The following KLHL1 variants were observed in gnomAD, a reference collection of about 807,000 sequenced individuals.
KLHL1 encodes kelch-like protein 1.
In KLHL1, 47 loss-of-function variants were observed where a neutral mutation model predicts 77.7. The ratio of observed to expected loss-of-function variants is 0.60; its 90% confidence interval spans 0.48 to 0.77. The LOEUF is 0.77. Among genes scored for constraint, KLHL1 ranks in the 30% least tolerant of loss-of-function variants. The probability of loss-of-function intolerance (pLI) is 0.00; values close to 1 mark genes in which losing one functional copy is unlikely to be tolerated. For missense variants in KLHL1, 925 were observed against 910.8 expected (o/e 1.02, Z -0.20); for synonymous variants, 360 against 325.2 (o/e 1.11, Z -1.15).
intron 1 of KLHL1, among the ~76,000 whole-genome samples, chr13:70,043,064 C>A (rs1886414311): frequency 6.6e-6 from 1 of 152,122 alleles, no homozygotes; most frequent in African/African-American, 2.4e-5. Flanking sequence ...AGCCACCACG[C>A]CCAAGTAATT....
chr13:70,028,899 C>A (rs1369007997), intron 1 of KLHL1, among the ~76,000 whole-genome samples: 1 of 151,594 alleles, frequency 6.6e-6, no homozygotes, highest in Admixed American at 6.6e-5. Flanking sequence ...ATCGCTTGAA[C>A]CTGGGAAGTA....
chr13:69,823,080 T>C (rs929838953), intron 6 of KLHL1, among the ~76,000 whole-genome samples: 40 of 152,264 alleles, frequency 2.6e-4, no homozygotes, highest in Middle Eastern at 3.4e-3. Flanking sequence ...CTCCGATGGA[T>C]AGAGGTTTAA....
rs564052653 is a variant in KLHL1 at position 69,933,144 on chromosome 13, C to T, written c.1014+6896G>A. 1.6e-3 allele frequency among the ~76,000 whole-genome samples: 239 copies of T among 152,086 alleles called. 2 individuals are homozygous for T. Among genetic ancestry groups the T allele is most frequent in the Admixed American group, 2.6e-3 (39 of 15,236 alleles). On this transcript the variant is annotated intron_variant, in intron 4 of 10. Coordinates refer to ENST00000377844, the MANE Select transcript of KLHL1 (RefSeq NM_020866.3). ...TTCATTTCATATATACTTACAAAGA[C>T]ATGCTGAAAGTCAAATTTTGGTAAT...
At chr13:69,964,272 C>T (rs574374103) in intron 2 of KLHL1, among the ~76,000 whole-genome samples, 20 of 152,084 alleles carry the variant, frequency 1.3e-4, no homozygotes, top group Non-Finnish European at 2.4e-4. Context: ...GAGCTACTGG[C>T]CTTGAGTAAT....
At chr13:69,966,444 A>T (rs1884212762) in intron 2 of KLHL1, among the ~76,000 whole-genome samples, 1 of 152,154 alleles carries the variant, frequency 6.6e-6, no homozygotes, top group Admixed American at 6.6e-5. Flanking sequence ...GAGACTTACT[A>T]CTCATTGACA....
chr13:69,872,611 C>A (rs1375225874), intron 5 of KLHL1, among the ~76,000 whole-genome samples: 1 of 152,186 alleles, frequency 6.6e-6, no homozygotes, highest in Non-Finnish European at 1.5e-5. Context: ...TAAAACCCTC[C>A]CGTCACTTTC....
At chr13:69,837,249 T>G (rs1879034074) in intron 6 of KLHL1, among the ~76,000 whole-genome samples, 1 of 151,818 alleles carries the variant, frequency 6.6e-6, no homozygotes, top group Non-Finnish European at 1.5e-5. Context: ...TAAACTTTTA[T>G]GTATGTGGGT....
intron 7 of KLHL1, among the ~76,000 whole-genome samples, chr13:69,762,228 G>C (rs1186533837): frequency 6.6e-6 from 1 of 152,056 alleles, no homozygotes; most frequent in African/African-American, 2.4e-5. Flanking sequence ...ATGGCATTAG[G>C]CAAAACTAAC....
intron 8 of KLHL1, among the ~76,000 whole-genome samples, chr13:69,721,062 G>GATATAGATATATATATATATATATATAT (rs1873022267): frequency 4.8e-5 from 1 of 20,632 alleles, no homozygotes; most frequent in African/African-American, 9.0e-5. Flanking sequence ...TAGCTACTAA[G>GATATAGATATATATATATATATATATAT]ATATATATAT....
At chr13:69,924,314 T>C (rs1414543331) in intron 4 of KLHL1, among the ~76,000 whole-genome samples, 1 of 152,142 alleles carries the variant, frequency 6.6e-6, no homozygotes, top group Non-Finnish European at 1.5e-5. Flanking sequence ...AATGGGAACT[T>C]ACTGTGCTTT....
At chr13:69,822,197 CAAAAA>C (rs35346749) in intron 6 of KLHL1, among the ~76,000 whole-genome samples, 2 of 78,398 alleles carry the variant, frequency 2.6e-5, no homozygotes. Flanking sequence ...GACTCCATCT[CAAAAA>C]AAAAAAAAAA....
chr13:69,898,985 C>T (rs926160882), intron 4 of KLHL1, among the ~76,000 whole-genome samples: 9 of 150,398 alleles, frequency 6.0e-5, no homozygotes, highest in Non-Finnish European at 1.3e-4. Context: ...TGGTCAGCTG[C>T]AATTGATATC....
intron 1 of KLHL1, among the ~76,000 whole-genome samples, chr13:70,086,052 G>A (rs770590724): frequency 6.6e-6 from 1 of 151,990 alleles, no homozygotes; most frequent in Non-Finnish European, 1.5e-5. Context: ...AGTAAGTACA[G>A]GTAGGATGCC....
intron 7 of KLHL1, among the ~76,000 whole-genome samples, chr13:69,785,050 C>T (rs1040077459): frequency 3.6e-4 from 54 of 151,504 alleles, no homozygotes; most frequent in Non-Finnish European, 5.2e-4. Flanking sequence ...CCACTACGCC[C>T]GGCTAATTTT....
chr13:69,788,652 A>AAAG (rs1027225788), intron 7 of KLHL1, among the ~76,000 whole-genome samples: 1 of 139,392 alleles, frequency 7.2e-6, no homozygotes, highest in Non-Finnish European at 1.6e-5. Context: ...CCTAAAACTT[A>AAAG]AAGTATAATA....
At chr13:69,879,675 CA>C (rs1463841483) in intron 5 of KLHL1, among the ~76,000 whole-genome samples, 3 of 152,092 alleles carry the variant, frequency 2.0e-5, no homozygotes, top group Non-Finnish European at 4.4e-5. Context: ...ATCCTTTATT[CA>C]ATTAAACTTT....
chr13:69,855,564 T>G (rs1879877831), intron 5 of KLHL1, among the ~76,000 whole-genome samples: 1 of 151,686 alleles, frequency 6.6e-6, no homozygotes. Context: ...GGGGGCGGTT[T>G]TTCTGCTCAT....
At chr13:70,068,045 T>TAA (rs11383566) in intron 1 of KLHL1, among the ~76,000 whole-genome samples, 9,890 of 141,484 alleles carry the variant, frequency 0.07, 936 homozygotes, top group African/African-American at 0.22. Flanking sequence ...TTAGTATAAG[T>TAA]AAAAAAAAAA....
At chr13:70,082,464 G>A (rs778149046) in intron 1 of KLHL1, among the ~76,000 whole-genome samples, 1 of 151,734 alleles carries the variant, frequency 6.6e-6, no homozygotes, top group Non-Finnish European at 1.5e-5. Flanking sequence ...TTTTCCAAAG[G>A]GGGATGTAGA....
Sources: gnomAD v4.1 joint callset for allele counts (sites outside exome capture counted in the v4.1 genomes callset) on GRCh38, gnomAD v4.1.1 for gene constraint, MANE v1.5 for transcripts, NCBI Gene and HGNC (gene_info 2026-07-23, HGNC 2026-07-21) for gene names.